The following FBLN1 variants were observed in gnomAD, a reference collection of about 807,000 sequenced individuals.
FBLN1 encodes the protein fibulin 1.
Under a neutral mutation model 89.7 loss-of-function variants are expected in FBLN1, and 34 were observed. The observed-to-expected ratio is 0.38, with a 90% confidence interval of 0.29 to 0.50. The LOEUF is 0.50. FBLN1 is among the 20% of genes least tolerant of loss of function. The pLI is 0.92. For missense variants in FBLN1, 777 were observed against 988.1 expected (o/e 0.79, Z 2.86); for synonymous variants, 393 against 391.3 (o/e 1.00, Z -0.05).
chr22:45,551,093 C>T (rs1481020201), intron 14 of FBLN1: 21 of 263,036 alleles, frequency 8.0e-5, no homozygotes, highest in Non-Finnish European at 1.4e-4. Context: ...AGCCTGGTGA[C>T]CGTGTGGGAA....
intron 16 of FBLN1, among the ~76,000 whole-genome samples, chr22:45,582,649 T>G (rs1435451671): frequency 6.6e-6 from 1 of 152,174 alleles, no homozygotes. Context: ...GGGAGGATCT[T>G]TCTAGGCTGG....
intron 1 of FBLN1, among the ~76,000 whole-genome samples, chr22:45,503,921 G>A (rs941439036): frequency 6.6e-6 from 1 of 152,068 alleles, no homozygotes; most frequent in Non-Finnish European, 1.5e-5. Flanking sequence ...TCCCTGGGGG[G>A]ACTGCCACGA....
intron 14 of FBLN1, among the ~76,000 whole-genome samples, chr22:45,569,207 C>CA (rs61563796): frequency 6.6e-6 from 1 of 152,178 alleles, no homozygotes; most frequent in African/African-American, 2.4e-5. Flanking sequence ...TGTCCCCCCC[C>CA]AAATTCATAT....
intron 16 of FBLN1, among the ~76,000 whole-genome samples, chr22:45,586,770 G>A (rs1011374211): frequency 3.9e-5 from 6 of 152,114 alleles, no homozygotes; most frequent in African/African-American, 1.2e-4. Context: ...AGGAGGGCCC[G>A]GAATGGGGCC....
intron 1 of FBLN1, 123 bp from the exon 2 acceptor site, chr22:45,518,559 G>A: frequency 1.3e-6 from 1 of 751,224 alleles, no homozygotes. Flanking sequence ...ACTAAGGGAT[G>A]TGCCCCCAGC....
rs2088974610 is a variant in FBLN1 at position 45,574,218 on chromosome 22, T to C, written c.1698-293T>C. Among the ~76,000 whole-genome samples the C allele has an allele frequency of 6.6e-6, 1 of 152,234 alleles. No individual in the cohort carries two copies. The highest frequency in any genetic ancestry group is 1.5e-5 in the Non-Finnish European group (1 of 68,032). On this transcript the variant is annotated intron_variant, in intron 14 of 16. Transcript: ENST00000327858. This position sits in a 1 kb window ranked among gnomAD's most constrained non-coding sequence, Gnocchi z 4.1. ...TGACTCTATTTTGCCATTGTAGCTA[T>C]TGATGCTCAATTCGTGCAGTTGACA...
chr22:45,600,033 A>G (rs1439556536), intron 16 of FBLN1, among the ~76,000 whole-genome samples: 1 of 152,194 alleles, frequency 6.6e-6, no homozygotes, highest in Non-Finnish European at 1.5e-5. Context: ...CCACACCCAC[A>G]ACTTTCCTCC....
rs1245033140 is a variant in FBLN1 at position 45,532,783 on chromosome 22, G to A, written c.545-280G>A. 8 of 531,026 alleles carry A rather than the reference G, an allele frequency of 1.5e-5. No individual in the cohort carries two copies. The East Asian group carries it at 2.7e-4, about 18-fold the overall frequency. The allele number at this position is 531,026 out of a possible 1,614,324, so 32.9% of individuals were successfully genotyped here. On this transcript the variant is annotated intron_variant, in intron 5 of 16. Coordinates refer to ENST00000327858, the MANE Select transcript of FBLN1 (RefSeq NM_006486.3). The surrounding 1 kb of genome is among the most constrained non-coding windows in gnomAD (Gnocchi z 4.2). The stretch of plus-strand genomic sequence containing the variant: ...CCGGCAGTGAGCTCTTCTCTGCTTC[G>A]CCCCTTCCAGGTCCACCCCAGCCTA...
intron 2 of FBLN1, among the ~76,000 whole-genome samples, chr22:45,519,738 C>T (rs979970088): frequency 6.6e-6 from 1 of 152,078 alleles, no homozygotes; most frequent in African/African-American, 2.4e-5. Context: ...TTCTGTGTAC[C>T]GTCTGCACGG....
In FBLN1 at chr22:45,533,154, C is replaced by T; in HGVS notation, c.636C>T (p.Val212=). The change falls in exon 6 of 17, where the codon GTC becomes GTT. Residue 212 remains valine (V), a synonymous_variant. Coordinates refer to ENST00000327858, the MANE Select transcript of FBLN1 (RefSeq NM_006486.3). Reference sequence around the variant, plus strand: ...GCTACCAGCTGCTGTCTGATGGTGTCTCCTGTGAAGGTAATGTCCCTATCC... The same window carrying T: ...GCTACCAGCTGCTGTCTGATGGTGTTTCCTGTGAAGGTAATGTCCCTATCC... ...FVGYQLLSDG[V]SCEDVNECIT... is the part of the protein sequence containing the mutation. 2 of 1,614,036 alleles carry T rather than the reference C, an allele frequency of 1.2e-6. No homozygotes were observed. The highest frequency in any genetic ancestry group is 1.7e-6 in the Non-Finnish European group (2 of 1,179,856).
chr22:45,514,199 C>G (rs1021266898), intron 1 of FBLN1, among the ~76,000 whole-genome samples: 2 of 152,158 alleles, frequency 1.3e-5, no homozygotes, highest in African/African-American at 4.8e-5. Context: ...CTTCAGGGAA[C>G]CTGTTCCTGC....
Position 45,581,138 on chromosome 22 carries a change from T to C in FBLN1, c.1972+4030T>C, listed in dbSNP as rs1274257323. Among the ~76,000 whole-genome samples the C allele has an allele frequency of 6.6e-6, 1 of 152,064 alleles. No individual in the cohort carries two copies. Among genetic ancestry groups the C allele is most frequent in the Non-Finnish European group, 1.5e-5 (1 of 68,006 alleles). ...GTAGTATATCCTGAGTGATGACTAA[T>C]GGGGGAGCCCTGGCTGCAGCAGGGG... On this transcript the variant is annotated intron_variant, in intron 16 of 16. Coordinates refer to ENST00000327858, the MANE Select transcript of FBLN1 (RefSeq NM_006486.3). The surrounding 1 kb of genome is among the most constrained non-coding windows in gnomAD (Gnocchi z 7.6).
chr22:45,598,203 A>G (rs2089202248), intron 16 of FBLN1, among the ~76,000 whole-genome samples: 2 of 152,214 alleles, frequency 1.3e-5, no homozygotes, highest in Admixed American at 6.5e-5. Context: ...CAGGTGTCTC[A>G]GTGCCAGCTC....
intron 14 of FBLN1, among the ~76,000 whole-genome samples, chr22:45,573,259 A>C (rs2088965569): frequency 6.6e-6 from 1 of 151,948 alleles, no homozygotes; most frequent in Non-Finnish European, 1.5e-5. Context: ...AGAAAAGAAA[A>C]TAAAGGAACA....
At position 45,600,324 on chromosome 22, in the gene FBLN1, C is replaced by T. The variant is rs748201606; in HGVS notation, c.1990C>T (p.Arg664Trp). 9 of 1,614,092 alleles carry T rather than the reference C, an allele frequency of 5.6e-6. No homozygotes were observed. The highest frequency in any genetic ancestry group is 2.2e-5 in the East Asian group (1 of 44,888). The change falls in exon 17 of 17, where the codon CGG becomes TGG. Residue 664 changes from arginine (R) to tryptophan (W), a missense_variant. Arg to Trp is a moderately radical substitution (Grantham distance 101, BLOSUM62 -3). Coordinates refer to ENST00000327858, the MANE Select transcript of FBLN1 (RefSeq NM_006486.3). ...GMTVGVVRQV[R>W]PIVGPFHAVL... ...CTCCGCAGGTGTCGTGCGCCAGGTG[C>T]GGCCCATCGTGGGCCCATTTCATGC...
In FBLN1 at chr22:45,562,856, C is replaced by T. The variant is rs1049420727; in HGVS notation, c.1698-11655C>T. The T allele has an allele frequency of 5.1e-6, 8 of 1,560,648 alleles. No homozygotes were observed. The African/African-American group carries it at 5.4e-5, about 11-fold the overall frequency. ...GCATCCCCGCGCTCTGCCGTTTCTC[C>T]GCTTGCTGGACCGGCCCTAACCCTC... On this transcript the variant is annotated intron_variant, in intron 14 of 16. Coordinates refer to ENST00000327858, the MANE Select transcript of FBLN1 (RefSeq NM_006486.3). This position sits in a 1 kb window ranked among gnomAD's most constrained non-coding sequence, Gnocchi z 7.8.
At chr22:45,586,573 A>G (rs1361157549) in intron 16 of FBLN1, among the ~76,000 whole-genome samples, 1 of 152,226 alleles carries the variant, frequency 6.6e-6, no homozygotes, top group Non-Finnish European at 1.5e-5. Flanking sequence ...GGTGCTCGTC[A>G]AGGTTTGGGC....
At chr22:45,503,561 A>G (rs545311553) in intron 1 of FBLN1, 1 of 152,458 alleles carries the variant, frequency 6.6e-6, no homozygotes, top group East Asian at 1.9e-4. Flanking sequence ...TCTTTTCCCC[A>G]GGAGACACTA....
intron 8 of FBLN1, among the ~76,000 whole-genome samples, chr22:45,538,130 G>A (rs555731071): frequency 3.9e-5 from 6 of 152,300 alleles, no homozygotes; most frequent in East Asian, 1.9e-4. Context: ...CCAGCCTGGC[G>A]GCACTGAGCT....
Sources: gnomAD v4.1 joint callset for allele counts (sites outside exome capture counted in the v4.1 genomes callset) on GRCh38, gnomAD v4.1.1 for gene constraint, Gnocchi (gnomAD v3.1) non-coding constraint, MANE v1.5 for transcripts, NCBI Gene and HGNC (gene_info 2026-07-23, HGNC 2026-07-21) for gene names.